ZNF407: variants seen among roughly 807,000 people sequenced by gnomAD.
The protein encoded by ZNF407 is zinc finger protein 407.
Under a neutral mutation model 131.2 loss-of-function variants are expected in ZNF407, and 17 were observed. The observed-to-expected ratio is 0.13, with a 90% CI of 0.09 to 0.19. The LOEUF (loss-of-function observed/expected upper bound fraction) is 0.19. Ranked by LOEUF, ZNF407 falls within the 10% of genes least tolerant of loss-of-function variation. The pLI is 1.00. For synonymous variants in ZNF407, 1,156 were observed against 1,062.0 expected, an observed-to-expected ratio of 1.09 and a Z score of -1.72; for missense variants, 2,681 against 2,830.6, an observed-to-expected ratio of 0.95 and a Z score of 1.20.
intron 3 of ZNF407, among the ~76,000 whole-genome samples, chr18:74,676,110 G>T (rs1986346391): frequency 6.7e-6 from 1 of 149,900 alleles, no homozygotes; most frequent in Non-Finnish European, 1.5e-5. Context: ...TTTTTTTTTG[G>T]AGATGGAATC....
chr18:74,760,276 G>A (rs1490994541), intron 3 of ZNF407, among the ~76,000 whole-genome samples: 1 of 152,164 alleles, frequency 6.6e-6, no homozygotes, highest in Non-Finnish European at 1.5e-5. Flanking sequence ...TCATCAGGCA[G>A]TTATCAACTC....
intron 4 of ZNF407, among the ~76,000 whole-genome samples, chr18:74,805,036 A>G (rs1302092818): frequency 2.0e-5 from 3 of 152,230 alleles, no homozygotes; most frequent in Non-Finnish European, 4.4e-5. Context: ...TGCACAAATT[A>G]AAAGTTACCT....
intron 4 of ZNF407, among the ~76,000 whole-genome samples, chr18:74,844,456 T>C (rs1324699812): frequency 2.6e-5 from 4 of 152,238 alleles, no homozygotes; most frequent in Admixed American, 6.5e-5. Context: ...GTATTTATGA[T>C]GAATGACTAA....
chr18:74,945,391 G>A (rs1022075941), intron 8 of ZNF407, among the ~76,000 whole-genome samples: 3 of 152,114 alleles, frequency 2.0e-5, no homozygotes, highest in African/African-American at 7.2e-5. Flanking sequence ...AGCAATCTGT[G>A]CTGGTTTTTG....
chr18:75,057,265 A>G (rs1973572327), intron 8 of ZNF407, among the ~76,000 whole-genome samples: 4 of 152,258 alleles, frequency 2.6e-5, no homozygotes, highest in African/African-American at 7.2e-5. Context: ...AGTGGTTTAC[A>G]TAGGATATTA....
chr18:74,900,412 T>C (rs1971508487), intron 7 of ZNF407, among the ~76,000 whole-genome samples: 1 of 152,184 alleles, frequency 6.6e-6, no homozygotes, highest in Non-Finnish European at 1.5e-5. Flanking sequence ...GATGTCATGG[T>C]ATATTCTGTC....
rs1008720508 is a variant in ZNF407 at position 74,739,786 on chromosome 18, G to T, written c.4803-41642G>T. 2.0e-5 allele frequency among the ~76,000 whole-genome samples: 3 copies of T among 152,022 alleles called. No homozygotes were observed. The South Asian group carries it at 6.2e-4, about 32-fold the overall frequency. ...AGTAAAAATGAGAAAAATATGAAAT[G>T]CAAACAAAAATAACCCAACTTGTAT... On this transcript the variant is annotated intron_variant, in intron 3 of 8. Transcript: ENST00000299687.
chr18:74,604,863 G>C (rs1040401324), intron 1 of ZNF407, among the ~76,000 whole-genome samples: 1 of 151,986 alleles, frequency 6.6e-6, no homozygotes, highest in Non-Finnish European at 1.5e-5. Flanking sequence ...GCATCCCAAG[G>C]GCACCCGAAG....
intron 5 of ZNF407, among the ~76,000 whole-genome samples, chr18:74,878,059 G>T (rs1971184189): frequency 6.6e-6 from 1 of 152,150 alleles, no homozygotes; most frequent in African/African-American, 2.4e-5. Context: ...CTTTGGTAGG[G>T]GTGGTGCCAG....
At chr18:75,056,013 G>A (rs1361416085) in intron 8 of ZNF407, among the ~76,000 whole-genome samples, 1 of 152,204 alleles carries the variant, frequency 6.6e-6, no homozygotes, top group East Asian at 1.9e-4. Context: ...GTCATGAAAT[G>A]CGGGGCATGG....
Position 75,022,669 on chromosome 18 carries a change from TAGAC to T in ZNF407, c.5429-40478_5429-40475del, listed in dbSNP as rs149124721. 1.9e-3 allele frequency among the ~76,000 whole-genome samples: 296 copies of T among 152,226 alleles called. 17 individuals carry two copies. In the East Asian group the frequency reaches 0.05, roughly 26 times the overall value. On this transcript the variant is annotated intron_variant, in intron 8 of 8. Transcript: ENST00000299687. The stretch of plus-strand genomic sequence containing the variant: ...TCAAATGTCAGTTAATGGCGATTAT[TAGAC>T]AGTCAAGAAACAACAGATGCTGGTG...
intron 3 of ZNF407, among the ~76,000 whole-genome samples, chr18:74,698,795 G>A (rs1398000107): frequency 6.6e-6 from 1 of 152,184 alleles, no homozygotes; most frequent in Non-Finnish European, 1.5e-5. Flanking sequence ...TAGCACCTGA[G>A]TAGCCGGGGG....
intron 3 of ZNF407, among the ~76,000 whole-genome samples, chr18:74,747,970 A>G (rs1242186666): frequency 6.6e-6 from 1 of 152,196 alleles, no homozygotes; most frequent in African/African-American, 2.4e-5. Flanking sequence ...GTCAAGAATT[A>G]TCAACTACAG....
chr18:74,881,133 C>G lies in ZNF407; in HGVS notation c.5128+14C>G, dbSNP rs1435268329. The G allele has an allele frequency of 2.6e-6, 4 of 1,559,408 alleles. No homozygotes were observed. Among genetic ancestry groups the G allele is most frequent in the Non-Finnish European group, 3.5e-6 (4 of 1,153,306 alleles). On this transcript the variant is annotated intron_variant, in intron 6 of 8. Coordinates refer to ENST00000299687, the MANE Select transcript of ZNF407 (RefSeq NM_017757.3). ...GACAGCACACAGGTCAGTTCCGATG[C>G]TGCACTGGCCCCTTCTCTGCAGAGA...
At chr18:74,910,983 C>A (rs1405193832) in intron 7 of ZNF407, among the ~76,000 whole-genome samples, 1 of 152,064 alleles carries the variant, frequency 6.6e-6, no homozygotes, top group Non-Finnish European at 1.5e-5. Context: ...TGTCCATACT[C>A]CTGTGTAGAA....
intron 3 of ZNF407, among the ~76,000 whole-genome samples, chr18:74,778,042 A>G: frequency 6.6e-6 from 1 of 152,182 alleles, no homozygotes; most frequent in Non-Finnish European, 1.5e-5. Flanking sequence ...TTTAAAAAAA[A>G]TAAAAACAAA....
chr18:74,756,154 A>AGTC (rs1330408876), intron 3 of ZNF407, among the ~76,000 whole-genome samples: 2 of 151,796 alleles, frequency 1.3e-5, no homozygotes, highest in African/African-American at 4.8e-5. Flanking sequence ...AGCCTCCCAA[A>AGTC]GTCCTGGCAT....
intron 4 of ZNF407, among the ~76,000 whole-genome samples, chr18:74,851,490 A>G (rs1268810853): frequency 6.6e-6 from 1 of 152,182 alleles, no homozygotes; most frequent in African/African-American, 2.4e-5. Flanking sequence ...ACATTATCAG[A>G]AACTTGGGAG....
At chr18:74,887,581 T>G (rs17055820) in intron 6 of ZNF407, among the ~76,000 whole-genome samples, 18,459 of 152,206 alleles carry the variant, frequency 0.12, 1,211 homozygotes, top group Middle Eastern at 0.22. Context: ...CTGTTCATCT[T>G]TTTCCTGGTT....
Sources: gnomAD v4.1 joint callset for allele counts (sites outside exome capture counted in the v4.1 genomes callset) on GRCh38, gnomAD v4.1.1 for gene constraint, MANE v1.5 for transcripts, NCBI Gene and HGNC (gene_info 2026-07-23, HGNC 2026-07-21) for gene names.